The following IMMP2L variants were observed in gnomAD, a reference collection of about 807,000 sequenced individuals.
The protein encoded by IMMP2L is inner mitochondrial membrane peptidase subunit 2.
A neutral mutation model predicts 19.3 loss-of-function variants in IMMP2L; 18 were observed. The observed-to-expected ratio is 0.93, with a 90% CI of 0.64 to 1.38. IMMP2L has a LOEUF of 1.38. Ranked by LOEUF, IMMP2L falls within the 40% of genes most tolerant of loss-of-function variation. The pLI is 0.00. For synonymous variants in IMMP2L, 76 were observed against 73.0 expected (o/e 1.04, Z -0.21); for missense variants, 233 against 218.2 (o/e 1.07, Z -0.43).
intron 3 of IMMP2L, among the ~76,000 whole-genome samples, chr7:111,023,164 A>G (rs565823410): frequency 2.6e-5 from 4 of 152,332 alleles, no homozygotes; most frequent in Non-Finnish European, 4.4e-5. Context: ...TTCTCTTAAC[A>G]GTGTCCTGAA....
At chr7:110,784,782 G>A (rs150047708) in intron 5 of IMMP2L, among the ~76,000 whole-genome samples, 5 of 151,938 alleles carry the variant, frequency 3.3e-5, no homozygotes, top group African/African-American at 1.2e-4. Context: ...GGTCTGGAGT[G>A]GGGCTGGAGA....
chr7:110,795,180 T>C (rs1215487597), intron 5 of IMMP2L, among the ~76,000 whole-genome samples: 2 of 152,106 alleles, frequency 1.3e-5, no homozygotes, highest in Admixed American at 6.6e-5. Context: ...AAATGAAATA[T>C]GCTTTAAGAT....
At chr7:111,452,419 GCA>G (rs1170805365) in intron 3 of IMMP2L, among the ~76,000 whole-genome samples, 3 of 152,052 alleles carry the variant, frequency 2.0e-5, no homozygotes, top group African/African-American at 7.2e-5. Context: ...TTCCTATGAA[GCA>G]CATGACTCAA....
At chr7:111,059,027 G>A (rs888690966) in intron 3 of IMMP2L, among the ~76,000 whole-genome samples, 2 of 151,388 alleles carry the variant, frequency 1.3e-5, no homozygotes, top group South Asian at 2.1e-4. Flanking sequence ...CTGTCGCTGC[G>A]GCTGGAGTGC....
chr7:110,743,417 A>G (rs1277806329), intron 5 of IMMP2L, among the ~76,000 whole-genome samples: 1 of 152,254 alleles, frequency 6.6e-6, no homozygotes, highest in Admixed American at 6.5e-5. Flanking sequence ...GAAAGTTAAT[A>G]AAAATAAGAT....
chr7:110,946,417 A>C lies in IMMP2L; in HGVS notation c.305+17083T>G, dbSNP rs1817255403. ...CAAATATATTGCAACATTTACAGTA[A>C]ACTCCCATGTCTCTATATCTCTAAA... is the stretch of plus-strand genomic sequence containing the variant. On this transcript the variant is annotated intron_variant, in intron 4 of 5. Coordinates refer to ENST00000405709, the MANE Select transcript of IMMP2L (RefSeq NM_032549.4). Among the ~76,000 whole-genome samples the C allele has an allele frequency of 2.0e-5, 3 of 152,160 alleles. 1 individual carries two copies. In the South Asian group the frequency reaches 6.2e-4, roughly 31 times the overall value.
At chr7:110,730,779 C>A (rs1262950463) in intron 5 of IMMP2L, among the ~76,000 whole-genome samples, 1 of 152,172 alleles carries the variant, frequency 6.6e-6, no homozygotes, top group East Asian at 1.9e-4. Context: ...CCCGCCTCAG[C>A]CTCCCAAAGT....
intron 1 of IMMP2L, among the ~76,000 whole-genome samples, chr7:111,523,575 G>C (rs1211146071): frequency 6.6e-6 from 1 of 152,040 alleles, no homozygotes; most frequent in Non-Finnish European, 1.5e-5. Flanking sequence ...AGTAAGACCA[G>C]TACTCTTGTT....
intron 3 of IMMP2L, among the ~76,000 whole-genome samples, chr7:111,055,530 T>C (rs10228570): frequency 0.03 from 4,624 of 152,296 alleles, 234 homozygotes; most frequent in African/African-American, 0.11. Context: ...CAGGCCTCTG[T>C]TCTCTTCCGC....
chr7:111,458,993 T>C (rs774513993), intron 3 of IMMP2L, among the ~76,000 whole-genome samples: 5 of 152,166 alleles, frequency 3.3e-5, no homozygotes, highest in Non-Finnish European at 5.9e-5. Context: ...CACCATTTGC[T>C]AGTCCTTACA....
intron 3 of IMMP2L, among the ~76,000 whole-genome samples, chr7:111,071,576 A>T (rs749354154): frequency 7.9e-5 from 12 of 152,214 alleles, no homozygotes; most frequent in Non-Finnish European, 1.3e-4. Flanking sequence ...GTACTGATTC[A>T]TGCTACAATG....
At chr7:111,333,795 T>TC (rs546883386) in intron 3 of IMMP2L, among the ~76,000 whole-genome samples, 2 of 152,112 alleles carry the variant, frequency 1.3e-5, no homozygotes, top group Non-Finnish European at 2.9e-5. Flanking sequence ...AACATTGGAC[T>TC]CCAAGTTCTT....
chr7:110,893,465 T>C (rs992648217), intron 4 of IMMP2L, among the ~76,000 whole-genome samples: 11 of 152,202 alleles, frequency 7.2e-5, no homozygotes, highest in African/African-American at 2.4e-4. Flanking sequence ...CCAAAGTAGT[T>C]TGTTACTTTT....
chr7:111,285,478 C>T (rs1473746402), intron 3 of IMMP2L, among the ~76,000 whole-genome samples: 1 of 151,984 alleles, frequency 6.6e-6, no homozygotes, highest in Non-Finnish European at 1.5e-5. Context: ...TCATTAAGGG[C>T]GTATTCTCTA....
intron 3 of IMMP2L, among the ~76,000 whole-genome samples, chr7:111,192,615 A>G (rs770351458): frequency 1.4e-4 from 21 of 152,162 alleles, no homozygotes; most frequent in Non-Finnish European, 2.9e-4. Flanking sequence ...CATTTGGAAC[A>G]CACCAATTAT....
intron 5 of IMMP2L, among the ~76,000 whole-genome samples, chr7:110,882,288 C>T (rs557804202): frequency 3.0e-5 from 1 of 33,482 alleles, no homozygotes; most frequent in South Asian, 1.7e-3. Context: ...TTGTCAAGTG[C>T]CTTCCTTCCT....
At position 110,963,590 on chromosome 7, in the gene IMMP2L, C is replaced by CA. The variant is rs764912136; in HGVS notation, c.240-26dup. On this transcript the variant is annotated intron_variant, in intron 3 of 5. Coordinates refer to ENST00000405709, the MANE Select transcript of IMMP2L (RefSeq NM_032549.4). The stretch of plus-strand genomic sequence containing the variant: ...CCTAGAACAAGAAGATAACATTATA[C>CA]AATCAGTTATGTCTATGTTGTTTTA... 7.2e-6 allele frequency: 10 copies of CA among 1,395,282 alleles called. No individual in the cohort carries two copies. The Admixed American group carries it at 1.8e-4, about 25-fold the overall frequency. The allele number at this position is 1,395,282 out of a possible 1,614,324, so 86.4% of individuals were successfully genotyped here.
intron 3 of IMMP2L, among the ~76,000 whole-genome samples, chr7:111,434,949 G>A (rs758926538): frequency 2.0e-5 from 3 of 151,812 alleles, no homozygotes; most frequent in Non-Finnish European, 4.4e-5. Context: ...ATTCATCAGA[G>A]AAATTCAAAT....
chr7:110,691,094 G>A (rs1181811874), intron 5 of IMMP2L, among the ~76,000 whole-genome samples: 3 of 151,934 alleles, frequency 2.0e-5, no homozygotes, highest in Non-Finnish European at 4.4e-5. Context: ...TAGTAACCTT[G>A]TAGTAGGTAC....
Sources: gnomAD v4.1 joint callset for allele counts (sites outside exome capture counted in the v4.1 genomes callset) on GRCh38, gnomAD v4.1.1 for gene constraint, MANE v1.5 for transcripts, NCBI Gene and HGNC (gene_info 2026-07-23, HGNC 2026-07-21) for gene names.